AKAP8: variants seen among roughly 807,000 people sequenced by gnomAD.
AKAP8 encodes the protein A-kinase anchoring protein 8, also known as A-kinase anchor protein 8.
AKAP8 carries 24 observed loss-of-function variants against 67.5 expected under a neutral mutation model. The observed-to-expected ratio is 0.36, with a 90% CI of 0.26 to 0.50. The LOEUF (loss-of-function observed/expected upper bound fraction) is 0.50. AKAP8 is among the 20% of genes least tolerant of loss of function. AKAP8 has a pLI of 0.97. For synonymous variants in AKAP8, 400 were observed against 371.1 expected (o/e 1.08, Z -0.90); for missense variants, 971 against 955.9 (o/e 1.02, Z -0.21).
At position 15,355,170 on chromosome 19, in the gene AKAP8, G is replaced by A. The variant is rs1287906681; in HGVS notation, c.1824C>T (p.Gly608=). 1.9e-6 allele frequency: 3 copies of A among 1,612,330 alleles called. No individual in the cohort carries two copies. The highest frequency in any genetic ancestry group is 2.2e-5 in the South Asian group (2 of 91,092). The change falls in exon 14 of 14, where the codon GGC becomes GGT. Residue 608 remains glycine, a synonymous_variant. Transcript: ENST00000269701. ...ESSGEPAEDE[G]PTDTAEAGSD... ...TACCGGCCTCCGCTGTGTCCGTGGG[G>A]CCTTCGTCCTCAGCCGGCTCCCCGC...
chr19:15,365,725 C>T (rs954282785), intron 9 of AKAP8, among the ~76,000 whole-genome samples: 3 of 152,120 alleles, frequency 2.0e-5, no homozygotes, highest in African/African-American at 2.4e-5. Flanking sequence ...CAAGTCCCTT[C>T]GAGATCCTCA....
intron 11 of AKAP8, among the ~76,000 whole-genome samples, chr19:15,361,319 T>C (rs1966961901): frequency 6.6e-6 from 1 of 151,690 alleles, no homozygotes; most frequent in African/African-American, 2.4e-5. Flanking sequence ...GTCATCACCT[T>C]CTCAGCCAAC....
intron 10 of AKAP8, 118 bp downstream of exon 10, chr19:15,361,992 C>CT (rs1966974284): frequency 6.9e-7 from 1 of 1,454,284 alleles, no homozygotes; most frequent in Non-Finnish European, 9.3e-7. Flanking sequence ...CACAGCTACT[C>CT]TATCTGGGAA....
At chr19:15,371,875 G>A in intron 7 of AKAP8, 77 bp downstream of exon 7, 1 of 1,496,888 alleles carries the variant, frequency 6.7e-7, no homozygotes, top group South Asian at 1.2e-5. Flanking sequence ...AGCTGCTCCT[G>A]CCCCTTTGTG....
Position 15,369,126 on chromosome 19 carries a change from A to G in AKAP8, c.1073-804T>C, listed in dbSNP as rs1967114500. 2 of 985,298 alleles carry G rather than the reference A, an allele frequency of 2.0e-6. No homozygotes were observed. Among genetic ancestry groups the G allele is most frequent in the African/African-American group, 1.7e-5 (1 of 57,218 alleles). The allele number at this position is 985,298 out of a possible 1,614,324, so 61.0% of individuals were successfully genotyped here. ...TGGCGACCGGCGTGCGCTGCTCAGAAGCCTCTCAAAAGGGCGTGTGGGATT... is the reference window on the plus strand; with the variant it reads ...TGGCGACCGGCGTGCGCTGCTCAGAGGCCTCTCAAAAGGGCGTGTGGGATT... On this transcript the variant is annotated intron_variant, in intron 8 of 13. Transcript: ENST00000269701. The surrounding 1 kb of genome is among the most constrained non-coding windows in gnomAD (Gnocchi z 4.6).
chr19:15,370,542 T>C (rs1192328571), intron 7 of AKAP8, among the ~76,000 whole-genome samples: 2 of 151,886 alleles, frequency 1.3e-5, no homozygotes, highest in African/African-American at 4.8e-5. Context: ...AGAGTCTCAC[T>C]TGGGGGATGC....
chr19:15,360,353 G>A (rs777450784), intron 12 of AKAP8, among the ~76,000 whole-genome samples: 8 of 152,312 alleles, frequency 5.3e-5, no homozygotes, highest in Non-Finnish European at 1.2e-4. Context: ...ACTGACAGCA[G>A]GTAGAGCTGT....
Position 15,372,135 on chromosome 19 carries a change from GA to G in AKAP8, c.991+82del, listed in dbSNP as rs1967168792. 4 of 1,607,826 alleles carry G rather than the reference GA, an allele frequency of 2.5e-6. No individual in the cohort carries two copies. In the African/African-American group the frequency reaches 5.3e-5, roughly 21 times the overall value. On this transcript the variant is annotated intron_variant, in intron 6 of 13. Coordinates refer to ENST00000269701, the MANE Select transcript of AKAP8 (RefSeq NM_005858.4). ...AAACATGCCACCTGCGAGTGTCCAC[GA>G]CACAGATGGGGCAAGCAGAGCCCCC...
At chr19:15,364,880 A>G (rs1221377842) in intron 9 of AKAP8, among the ~76,000 whole-genome samples, 1 of 152,200 alleles carries the variant, frequency 6.6e-6, no homozygotes, top group Non-Finnish European at 1.5e-5. Context: ...CAGCCTCCCA[A>G]GTAGCTGGGA....
Position 15,374,049 on chromosome 19 carries a change from A to G in AKAP8, c.108T>C (p.Asn36=), listed in dbSNP as rs1456650476. ...VASWQGYENY[N]YYGAQNTSVT... The stretch of plus-strand genomic sequence containing the variant: ...CACTGGTGTTCTGGGCGCCATAGTA[A>G]TTGTAGTTTTCATAACCTGTCACAG... Residue 36 remains asparagine, a synonymous_variant, in exon 4 of 14, where the codon AAT becomes AAC. Transcript: ENST00000269701. 1 of 1,567,458 alleles carries G rather than the reference A, an allele frequency of 6.4e-7. No homozygotes were observed. Among genetic ancestry groups the G allele is most frequent in the East Asian group, 2.2e-5 (1 of 44,458 alleles).
At chr19:15,362,021 A>G in intron 10 of AKAP8, 89 bp downstream of exon 10, 11 of 1,546,770 alleles carry the variant, frequency 7.1e-6, no homozygotes, top group Non-Finnish European at 6.1e-6. Flanking sequence ...TTGGCCAAGT[A>G]TAGCCTCTGA....
At chr19:15,373,416 C>A (rs376801822) in intron 4 of AKAP8, 76 bp from the exon 5 acceptor site, 3 of 1,488,638 alleles carry the variant, frequency 2.0e-6, no homozygotes, top group Non-Finnish European at 2.7e-6. Flanking sequence ...ATAACCTCGA[C>A]GCCCCTACAT....
At chr19:15,375,696 G>A (rs1165787464) in intron 2 of AKAP8, among the ~76,000 whole-genome samples, 35 of 150,706 alleles carry the variant, frequency 2.3e-4, no homozygotes, top group Non-Finnish European at 1.8e-4. Context: ...AAGTGCAGTG[G>A]CGCGATCTCG....
intron 1 of AKAP8, among the ~76,000 whole-genome samples, chr19:15,377,562 G>A (rs557440757): frequency 6.6e-6 from 1 of 152,154 alleles, no homozygotes; most frequent in African/African-American, 2.4e-5. Context: ...TCCGCCTCCT[G>A]GGTTCACGCC....
intron 3 of AKAP8, 42 bp from the exon 4 acceptor site, chr19:15,374,107 G>A (rs776201188): frequency 1.2e-5 from 18 of 1,522,918 alleles, no homozygotes; most frequent in Middle Eastern, 1.8e-4. Context: ...CAGCAGCCAC[G>A]AGGCCTGTCC....
chr19:15,368,690 C>T (rs1240709507), intron 8 of AKAP8: 1 of 985,330 alleles, frequency 1.0e-6, no homozygotes, highest in Non-Finnish European at 1.2e-6. Context: ...GAAGCCAATT[C>T]TCCCCGGATG....
At chr19:15,368,607 C>T (rs543877249) in intron 8 of AKAP8, 2 of 985,352 alleles carry the variant, frequency 2.0e-6, no homozygotes, top group East Asian at 1.1e-4. Context: ...CAGCCCCCTG[C>T]TCCCTCTGTC....
chr19:15,372,635 G>C (rs1169762320), intron 5 of AKAP8, among the ~76,000 whole-genome samples: 1 of 152,074 alleles, frequency 6.6e-6, no homozygotes, highest in Admixed American at 6.6e-5. Context: ...GAAGAGACAG[G>C]GGTGACTAAT....
At chr19:15,376,252 G>A (rs1173509516) in intron 2 of AKAP8, among the ~76,000 whole-genome samples, 1 of 152,112 alleles carries the variant, frequency 6.6e-6, no homozygotes, top group Non-Finnish European at 1.5e-5. Context: ...GCCAGGCGTG[G>A]TGGCTCACGC....
Sources: gnomAD v4.1 joint callset for allele counts (sites outside exome capture counted in the v4.1 genomes callset) on GRCh38, gnomAD v4.1.1 for gene constraint, Gnocchi (gnomAD v3.1) non-coding constraint, MANE v1.5 for transcripts, NCBI Gene and HGNC (gene_info 2026-07-23, HGNC 2026-07-21) for gene names.